The following BBOX1 variants were observed in gnomAD, a reference collection of about 807,000 sequenced individuals.
BBOX1 encodes the protein gamma-butyrobetaine hydroxylase 1, also known as gamma-butyrobetaine dioxygenase.
BBOX1 carries 35 observed loss-of-function variants against 41.6 expected under a neutral mutation model. That is an observed-to-expected ratio of 0.84 (90% CI 0.64 to 1.11). BBOX1 has a LOEUF of 1.11. Ranked by LOEUF, BBOX1 falls within the 50% of genes most tolerant of loss-of-function variation. The pLI is 0.00. For missense variants in BBOX1, 458 were observed against 460.6 expected (o/e 0.99, Z 0.05); for synonymous variants, 163 against 154.7 (o/e 1.05, Z -0.40).
At chr11:27,060,178 G>T (rs1245880198) in intron 4 of BBOX1, among the ~76,000 whole-genome samples, 1 of 152,150 alleles carries the variant, frequency 6.6e-6, no homozygotes, top group Non-Finnish European at 1.5e-5. Context: ...GATTTCTCAT[G>T]AATTGTTTAG....
intron 5 of BBOX1, among the ~76,000 whole-genome samples, chr11:27,096,138 G>A (rs1427939728): frequency 6.6e-6 from 1 of 151,928 alleles, no homozygotes; most frequent in Admixed American, 6.6e-5. Flanking sequence ...TCTCCATTGG[G>A]ATAGAACTGG....
At chr11:27,089,145 C>G (rs1317726) in intron 4 of BBOX1, among the ~76,000 whole-genome samples, 92,470 of 151,610 alleles carry the variant, frequency 0.61, 30,403 homozygotes, top group East Asian at 0.94. Context: ...CATGCATGAC[C>G]TATCTAGTGC....
chr11:27,078,617 G>A (rs1330629267), intron 4 of BBOX1, among the ~76,000 whole-genome samples: 3 of 152,108 alleles, frequency 2.0e-5, no homozygotes, highest in Admixed American at 6.5e-5. Context: ...AATCATAAGT[G>A]GGAGTTGAAC....
In BBOX1 at chr11:27,068,534, AT is replaced by A. The variant is rs368559076; in HGVS notation, c.334+11228del. Among the ~76,000 whole-genome samples the A allele has an allele frequency of 4.6e-3, 690 of 150,700 alleles. 7 individuals carry two copies. Among genetic ancestry groups the A allele is most frequent in the African/African-American group, 0.015 (609 of 41,098 alleles). ...TTTCTGTGGGTTGTTTACTCTGGTAATTTTTTTTTCTTTTTTGCTATACAGA... is the reference window on the plus strand; with the variant it reads ...TTTCTGTGGGTTGTTTACTCTGGTAATTTTTTTTCTTTTTTGCTATACAGA... On this transcript the variant is annotated intron_variant, in intron 4 of 8. Transcript: ENST00000263182.
intron 4 of BBOX1, among the ~76,000 whole-genome samples, chr11:27,064,382 A>C (rs1857220623): frequency 1.3e-5 from 2 of 152,164 alleles, no homozygotes; most frequent in Non-Finnish European, 2.9e-5. Flanking sequence ...AAAGTCACCC[A>C]AACTCATAAC....
At chr11:27,112,710 A>G (rs1157290061) in intron 5 of BBOX1, among the ~76,000 whole-genome samples, 1 of 152,008 alleles carries the variant, frequency 6.6e-6, no homozygotes, top group Non-Finnish European at 1.5e-5. Context: ...ACTTTGGAAT[A>G]TAACCTAGGA....
At chr11:27,123,992 A>C (rs1859556559) in intron 7 of BBOX1, among the ~76,000 whole-genome samples, 1 of 152,188 alleles carries the variant, frequency 6.6e-6, no homozygotes, top group African/African-American at 2.4e-5. Flanking sequence ...CAATAAGCAA[A>C]GAATTGGTGC....
At chr11:27,098,414 A>G (rs919736748) in intron 5 of BBOX1, among the ~76,000 whole-genome samples, 1 of 152,116 alleles carries the variant, frequency 6.6e-6, no homozygotes, top group Admixed American at 6.6e-5. Flanking sequence ...AGGAAAGAGA[A>G]GTGGAAATTC....
chr11:27,093,373 C>A lies in BBOX1; in HGVS notation c.533+7C>A. 6.2e-7 allele frequency: 1 copy of A among 1,611,452 alleles called. No homozygotes were observed. The highest frequency in any genetic ancestry group is 1.1e-5 in the South Asian group (1 of 90,968). On this transcript the variant is annotated splice_region_variant and intron_variant, in intron 5 of 8. Transcript: ENST00000263182. ...TCTATCTCACATTTTATGGGTGAGT[C>A]ACCAAATGGTTTGTATTCTGCCATC...
chr11:27,086,732 G>C (rs1564972092), intron 4 of BBOX1, among the ~76,000 whole-genome samples: 1 of 152,094 alleles, frequency 6.6e-6, no homozygotes, highest in African/African-American at 2.4e-5. Context: ...GCCACAGATA[G>C]TGTTTCCTCT....
At chr11:27,112,052 T>C (rs1407004799) in intron 5 of BBOX1, among the ~76,000 whole-genome samples, 1 of 151,940 alleles carries the variant, frequency 6.6e-6, no homozygotes, top group Non-Finnish European at 1.5e-5. Context: ...GAATAGACAC[T>C]GTCTAAGCCT....
chr11:27,097,823 C>T (rs1179955702), intron 5 of BBOX1, among the ~76,000 whole-genome samples: 1 of 152,014 alleles, frequency 6.6e-6, no homozygotes, highest in African/African-American at 2.4e-5. Flanking sequence ...AATGAATCCA[C>T]TCCTCAAAAT....
chr11:27,071,041 G>T (rs892477417), intron 4 of BBOX1, among the ~76,000 whole-genome samples: 5 of 151,978 alleles, frequency 3.3e-5, no homozygotes, highest in Admixed American at 6.6e-5. Context: ...ACTTAGTTTT[G>T]CAGGATACAA....
chr11:27,097,998 A>T (rs1052321316), intron 5 of BBOX1, among the ~76,000 whole-genome samples: 7 of 151,824 alleles, frequency 4.6e-5, no homozygotes, highest in African/African-American at 1.7e-4. Flanking sequence ...CCATCCCCTA[A>T]ATCAGTCCCT....
intron 5 of BBOX1, 74 bp from the exon 6 acceptor site, chr11:27,115,378 A>G: frequency 8.2e-7 from 1 of 1,216,692 alleles, no homozygotes; most frequent in Non-Finnish European, 1.2e-6. Context: ...CTCCCCACAT[A>G]TCAAATTCAT....
intron 5 of BBOX1, among the ~76,000 whole-genome samples, chr11:27,100,673 A>C (rs1344852456): frequency 6.6e-6 from 1 of 152,130 alleles, no homozygotes; most frequent in African/African-American, 2.4e-5. Flanking sequence ...TCCCTTTGTA[A>C]TATTAAGTTT....
intron 5 of BBOX1, among the ~76,000 whole-genome samples, chr11:27,114,302 TA>T (rs1489682784): frequency 2.0e-5 from 3 of 151,742 alleles, no homozygotes; most frequent in Non-Finnish European, 2.9e-5. Flanking sequence ...TTGGAAGGCA[TA>T]AAATTGTTAA....
At position 27,084,769 on chromosome 11, in the gene BBOX1, G is replaced by A. The variant is rs541133130; in HGVS notation, c.335-8399G>A. Among the ~76,000 whole-genome samples, 3 of 152,156 alleles carry A rather than the reference G, an allele frequency of 2.0e-5. No homozygotes were observed. The East Asian group carries it at 5.8e-4, about 29-fold the overall frequency. ...GTGTCTTTTCCTTTTTTGAAATACA[G>A]CTCAGGATCCAGGAATGTGATGCTT... is the stretch of plus-strand genomic sequence containing the variant. On this transcript the variant is annotated intron_variant, in intron 4 of 8. Coordinates refer to ENST00000263182, the MANE Select transcript of BBOX1 (RefSeq NM_003986.3).
In BBOX1 at chr11:27,125,711, A is replaced by G. The variant is rs779772758; in HGVS notation, c.894A>G (p.Thr298=). The G allele has an allele frequency of 1.2e-6, 2 of 1,611,070 alleles. No homozygotes were observed. The highest frequency in any genetic ancestry group is 1.7e-6 in the Non-Finnish European group (2 of 1,178,338). Residue 298 remains threonine (T), a synonymous_variant, in exon 8 of 9, where the codon ACA becomes ACG. Transcript: ENST00000263182. The stretch of plus-strand genomic sequence containing the variant: ...ACTTCAATAACGCAACTAGGGACAC[A>G]ATATTTGATGTGCCTGTTGAAAGAG... ...RINFNNATRD[T]IFDVPVERVQ... is the part of the protein sequence containing the mutation.
Sources: gnomAD v4.1 joint callset for allele counts (sites outside exome capture counted in the v4.1 genomes callset) on GRCh38, gnomAD v4.1.1 for gene constraint, MANE v1.5 for transcripts, NCBI Gene and HGNC (gene_info 2026-07-23, HGNC 2026-07-21) for gene names.